FOXK2: variants seen among roughly 807,000 people sequenced by gnomAD.
FOXK2 encodes forkhead box K2, also known as forkhead box protein K2.
A neutral mutation model predicts 53.3 loss-of-function variants in FOXK2; 24 were observed. The ratio of observed to expected loss-of-function variants is 0.45; its 90% CI spans 0.33 to 0.63. The LOEUF is 0.63. Among genes scored for constraint, FOXK2 ranks in the 30% least tolerant of loss-of-function variants. The pLI is 0.03. For synonymous variants in FOXK2, 505 were observed against 407.1 expected (o/e 1.24, Z -2.89); for missense variants, 952 against 910.5 (o/e 1.05, Z -0.59).
intron 3 of FOXK2, among the ~76,000 whole-genome samples, chr17:82,571,211 A>G (rs62078137): frequency 0.045 from 6,899 of 152,234 alleles, 176 homozygotes; most frequent in African/African-American, 0.06. Flanking sequence ...CATTTTTGAC[A>G]TTTGGATTTT....
rs1210060111 is a variant in FOXK2 at position 82,604,434 on chromosome 17, T to G, written c.*2935T>G. 6.6e-6 allele frequency: 1 copy of G among 152,544 alleles called. No individual in the cohort carries two copies. Among genetic ancestry groups the G allele is most frequent in the African/African-American group, 2.4e-5 (1 of 41,408 alleles). 9.4% of individuals were successfully genotyped at this position (152,544 alleles called of 1,614,324 possible). On this transcript the variant is annotated 3_prime_UTR_variant, in exon 9 of 9. Coordinates refer to ENST00000335255, the MANE Select transcript of FOXK2 (RefSeq NM_004514.4). ...GGCCAGAAGGGGGGTGGGGGCAGTG[T>G]GAGGACTTGGGGTTTCTGTGCTGTG...
chr17:82,551,723 G>A (rs2044678849), intron 1 of FOXK2, among the ~76,000 whole-genome samples: 1 of 152,114 alleles, frequency 6.6e-6, no homozygotes, highest in Non-Finnish European at 1.5e-5. Context: ...TGAGGTGATA[G>A]TTGCTGCTTG....
At chr17:82,542,915 G>A (rs1013147534) in intron 1 of FOXK2, among the ~76,000 whole-genome samples, 1 of 152,204 alleles carries the variant, frequency 6.6e-6, no homozygotes, top group African/African-American at 2.4e-5. Context: ...GTACTCAGGA[G>A]GCTGATGTGA....
intron 1 of FOXK2, among the ~76,000 whole-genome samples, chr17:82,539,557 G>A (rs1420857644): frequency 6.6e-6 from 1 of 152,124 alleles, no homozygotes; most frequent in Non-Finnish European, 1.5e-5. Flanking sequence ...GCTGAGGTGG[G>A]AGGATTGCTT....
intron 1 of FOXK2, among the ~76,000 whole-genome samples, chr17:82,551,209 C>G (rs192836476): frequency 1.3e-5 from 2 of 151,634 alleles, no homozygotes; most frequent in African/African-American, 4.9e-5. Context: ...CCTAGCTACT[C>G]GGGAGGCTGA....
chr17:82,586,672 C>T (rs141774008), intron 7 of FOXK2, among the ~76,000 whole-genome samples: 5,867 of 152,074 alleles, frequency 0.039, 149 homozygotes, highest in Middle Eastern at 0.092. Context: ...GGGGCTGAGA[C>T]GGTCGGATCA....
At chr17:82,600,909 C>T (rs903722280) in intron 8 of FOXK2, 7 of 167,524 alleles carry the variant, frequency 4.2e-5, no homozygotes, top group African/African-American at 9.5e-5. Context: ...ACTCCTTCGC[C>T]GAGCCAGCAG....
intron 1 of FOXK2, among the ~76,000 whole-genome samples, chr17:82,557,195 G>A (rs28846155): frequency 0.17 from 24,901 of 150,136 alleles, 2,531 homozygotes; most frequent in East Asian, 0.39. Context: ...ACCACGCCTG[G>A]CTAATTTTGT....
intron 1 of FOXK2, among the ~76,000 whole-genome samples, chr17:82,548,346 G>A (rs2044646446): frequency 6.6e-6 from 1 of 152,102 alleles, no homozygotes; most frequent in South Asian, 2.1e-4. Context: ...TGGTATGTCA[G>A]TATGTGTATT....
chr17:82,589,463 A>G (rs1391975284), intron 8 of FOXK2, among the ~76,000 whole-genome samples: 2 of 152,274 alleles, frequency 1.3e-5, no homozygotes, highest in Non-Finnish European at 2.9e-5. Flanking sequence ...AAATATAACA[A>G]ATTCTTATAA....
At chr17:82,596,083 C>A (rs1305705845) in intron 8 of FOXK2, 1 of 1,025,560 alleles carries the variant, frequency 9.8e-7, no homozygotes, top group Non-Finnish European at 1.2e-6. Flanking sequence ...TTTTTGTAGA[C>A]ACATTAGAGT....
At chr17:82,596,463 G>A (rs2045311994) in intron 8 of FOXK2, among the ~76,000 whole-genome samples, 1 of 14,846 alleles carries the variant, frequency 6.7e-5, no homozygotes, top group Non-Finnish European at 3.7e-4. Context: ...GCGTCAGGAC[G>A]TGCCTGCCCC....
intron 6 of FOXK2, 54 bp from the exon 7 acceptor site, chr17:82,585,848 CTT>C: frequency 6.4e-7 from 1 of 1,556,318 alleles, no homozygotes; most frequent in East Asian, 2.3e-5. Flanking sequence ...GTGTGAGAAC[CTT>C]TGTTTGTAGA....
intron 5 of FOXK2, among the ~76,000 whole-genome samples, chr17:82,583,648 T>C (rs1268661220): frequency 5.8e-5 from 5 of 86,248 alleles, no homozygotes. Flanking sequence ...TCACTAATAC[T>C]GTTTTTAACA....
At chr17:82,537,805 C>G (rs1014799788) in intron 1 of FOXK2, among the ~76,000 whole-genome samples, 1 of 151,320 alleles carries the variant, frequency 6.6e-6, no homozygotes, top group Non-Finnish European at 1.5e-5. Context: ...GCCTGTAATC[C>G]CAGCTACTCT....
rs757008277 is a variant in FOXK2 at position 82,602,831 on chromosome 17, G to T, written c.*1332G>T. 30 of 152,282 alleles carry T rather than the reference G, an allele frequency of 2.0e-4. No individual in the cohort carries two copies. The highest frequency in any genetic ancestry group is 3.7e-4 in the Non-Finnish European group (25 of 68,046). 9.4% of individuals were successfully genotyped at this position (152,282 alleles called of 1,614,324 possible). On this transcript the variant is annotated 3_prime_UTR_variant, in exon 9 of 9. Transcript: ENST00000335255. ...GCCGAGGGCCGAGGGCCGTGCACAT[G>T]GGGAGAGGGCGTCAGCCTGATGGCT...
At position 82,602,175 on chromosome 17, in the gene FOXK2, C is replaced by G. The variant is rs2045393865; in HGVS notation, c.*676C>G. 1 of 152,210 alleles carries G rather than the reference C, an allele frequency of 6.6e-6. No homozygotes were observed. The highest frequency in any genetic ancestry group is 1.5e-5 in the Non-Finnish European group (1 of 68,048). The allele number at this position is 152,210 out of a possible 1,614,324, so 9.4% of individuals were successfully genotyped here. ...GCTGCCTGATGAATTTTATCCACCT[C>G]CATTTCAGCATGTGGCTCGCGTGGA... On this transcript the variant is annotated 3_prime_UTR_variant, in exon 9 of 9. Transcript: ENST00000335255.
chr17:82,569,959 C>T (rs1183989163), intron 3 of FOXK2, among the ~76,000 whole-genome samples: 7 of 148,694 alleles, frequency 4.7e-5, no homozygotes, highest in South Asian at 2.2e-4. Context: ...CAGTGGCTCA[C>T]GCCTGTAATC....
Position 82,590,304 on chromosome 17 carries a change from A to G in FOXK2, c.1786+3032A>G, listed in dbSNP as rs190326714. Among the ~76,000 whole-genome samples the G allele has an allele frequency of 3.3e-3, 503 of 152,222 alleles. 1 individual carries two copies. Among genetic ancestry groups the G allele is most frequent in the African/African-American group, 0.011 (455 of 41,546 alleles). ...GAGAACCACTGCACAGGTGCTCATA[A>G]TTTTGGCCTCTTGTAGTCTTTTATT... On this transcript the variant is annotated intron_variant, in intron 8 of 8. Coordinates refer to ENST00000335255, the MANE Select transcript of FOXK2 (RefSeq NM_004514.4).
Sources: allele counts gnomAD v4.1 joint callset (sites outside exome capture counted in the v4.1 genomes callset), GRCh38; gene constraint gnomAD v4.1.1; transcripts MANE v1.5; gene names NCBI Gene and HGNC (gene_info 2026-07-23, HGNC 2026-07-21).